Variants in ARHGAP26 observed in about 807,000 individuals in gnomAD.
The protein encoded by ARHGAP26 is rho GTPase-activating protein 26.
Under a neutral mutation model 104.8 loss-of-function variants are expected in ARHGAP26, and 38 were observed. The observed-to-expected ratio is 0.36, with a 90% CI of 0.28 to 0.48. ARHGAP26 has a LOEUF of 0.48. Ranked by LOEUF, ARHGAP26 falls within the 20% of genes least tolerant of loss-of-function variation. ARHGAP26 has a pLI of 0.99. For synonymous variants in ARHGAP26, 341 were observed against 340.0 expected (o/e 1.00, Z -0.03); for missense variants, 704 against 947.9 (o/e 0.74, Z 3.38).
At chr5:143,006,965 C>T (rs114938849) in intron 11 of ARHGAP26, among the ~76,000 whole-genome samples, 1,738 of 152,188 alleles carry the variant, frequency 0.011, 33 homozygotes, top group African/African-American at 0.04. Context: ...CACAGTGGCT[C>T]ATGCCTGTAA....
chr5:142,949,885 TG>T (rs1202806565), intron 11 of ARHGAP26, among the ~76,000 whole-genome samples: 1 of 152,244 alleles, frequency 6.6e-6, no homozygotes, highest in Non-Finnish European at 1.5e-5. Flanking sequence ...TTTATTAATT[TG>T]TCAAAGGGCC....
intron 22 of ARHGAP26, among the ~76,000 whole-genome samples, chr5:143,217,972 C>T (rs546866595): frequency 6.6e-6 from 1 of 152,226 alleles, no homozygotes. Context: ...CTCTGACCTC[C>T]TCTCACCCTC....
intron 11 of ARHGAP26, among the ~76,000 whole-genome samples, chr5:142,995,514 A>G (rs890170185): frequency 1.3e-5 from 2 of 152,250 alleles, no homozygotes; most frequent in South Asian, 2.1e-4. Context: ...AGGAAATAAC[A>G]GATGCCGGAA....
chr5:142,925,118 C>A (rs149801277), intron 10 of ARHGAP26, among the ~76,000 whole-genome samples: 1 of 152,284 alleles, frequency 6.6e-6, no homozygotes, highest in East Asian at 1.9e-4. Flanking sequence ...GCTGATCATG[C>A]CTTCCCGCAT....
intron 22 of ARHGAP26, among the ~76,000 whole-genome samples, chr5:143,215,321 A>G (rs1418579991): frequency 6.6e-6 from 1 of 152,232 alleles, no homozygotes. Context: ...TCATGTTTCT[A>G]ACAACCATTC....
chr5:142,965,371 C>A (rs148194198), intron 11 of ARHGAP26, among the ~76,000 whole-genome samples: 1,809 of 152,270 alleles, frequency 0.012, 27 homozygotes, highest in African/African-American at 0.029. Flanking sequence ...TGCTAAGTAG[C>A]GGGTATTGTT....
intron 17 of ARHGAP26, among the ~76,000 whole-genome samples, chr5:143,097,842 A>T (rs1792633376): frequency 6.6e-6 from 1 of 151,540 alleles, no homozygotes. Context: ...AAAAAAGAAA[A>T]TTACCCCACG....
chr5:143,022,206 G>A (rs922732341), intron 12 of ARHGAP26, among the ~76,000 whole-genome samples: 2 of 152,050 alleles, frequency 1.3e-5, no homozygotes, highest in African/African-American at 4.8e-5. Context: ...CTAGTAGCTG[G>A]GATTACAGGT....
intron 12 of ARHGAP26, among the ~76,000 whole-genome samples, chr5:143,032,212 GC>G (rs1456924573): frequency 6.6e-6 from 1 of 152,200 alleles, no homozygotes; most frequent in East Asian, 1.9e-4. Context: ...TGCAAGCTCT[GC>G]CAGCATTCAT....
intron 12 of ARHGAP26, among the ~76,000 whole-genome samples, chr5:143,017,833 G>A (rs1206155244): frequency 6.6e-6 from 1 of 152,144 alleles, no homozygotes; most frequent in Non-Finnish European, 1.5e-5. Context: ...GGACATCTTT[G>A]TACATATCTT....
intron 11 of ARHGAP26, 151 bp downstream of exon 11, chr5:142,932,276 G>A (rs1598294327): frequency 1.5e-6 from 1 of 677,294 alleles, no homozygotes. Flanking sequence ...GTTTATGTTT[G>A]TGGATATTGA....
chr5:143,090,172 C>T (rs949294546), intron 17 of ARHGAP26, among the ~76,000 whole-genome samples: 2 of 152,200 alleles, frequency 1.3e-5, no homozygotes, highest in South Asian at 2.1e-4. Flanking sequence ...TGCCGGACTT[C>T]GGGATATAGC....
chr5:143,060,400 G>A (rs1264726967), intron 17 of ARHGAP26, among the ~76,000 whole-genome samples: 1 of 152,046 alleles, frequency 6.6e-6, no homozygotes, highest in African/African-American at 2.4e-5. Context: ...GAGATTTAAG[G>A]CATTTTATAT....
chr5:142,870,325 C>G (rs967599938), intron 1 of ARHGAP26, among the ~76,000 whole-genome samples: 18 of 152,290 alleles, frequency 1.2e-4, no homozygotes, highest in African/African-American at 4.1e-4. Context: ...TAAGATACCA[C>G]CAATCTTACT....
chr5:142,770,748 G>C lies in ARHGAP26; in HGVS notation c.-14G>C. The C allele has an allele frequency of 7.3e-7, 1 of 1,373,594 alleles. No individual in the cohort carries two copies. The highest frequency in any genetic ancestry group is 9.5e-7 in the Non-Finnish European group (1 of 1,050,278). The allele number at this position is 1,373,594 out of a possible 1,614,324, so 85.1% of individuals were successfully genotyped here. A position where few individuals can be genotyped will look rare whatever the true frequency, so the allele number is the denominator to read the frequency against. ...CGGCGGAGGCGCGCCCCCCGGCTGG[G>C]CGCCGCGCGCACCATGGGGCTCCCA... On this transcript the variant is annotated 5_prime_UTR_variant, in exon 1 of 23. Coordinates refer to ENST00000645722, the MANE Select transcript of ARHGAP26 (RefSeq NM_001135608.3).
At chr5:143,001,337 A>T (rs1423664388) in intron 11 of ARHGAP26, among the ~76,000 whole-genome samples, 2 of 152,244 alleles carry the variant, frequency 1.3e-5, no homozygotes, top group Non-Finnish European at 2.9e-5. Flanking sequence ...TTTTACATTT[A>T]AAAATGGACA....
rs533701785 is a variant in ARHGAP26 at position 142,933,634 on chromosome 5, A to T, written c.1107+1509A>T. Reference sequence around the variant, plus strand: ...GCCATTTTCCAGCCAGAAAATGAGGATGAAAGCATTTCGAAGGACCCAGAA... The same window carrying T: ...GCCATTTTCCAGCCAGAAAATGAGGTTGAAAGCATTTCGAAGGACCCAGAA... On this transcript the variant is annotated intron_variant, in intron 11 of 22. Transcript: ENST00000645722. Among the ~76,000 whole-genome samples, 50 of 152,200 alleles carry T rather than the reference A, an allele frequency of 3.3e-4. 1 individual carries two copies. The highest frequency in any genetic ancestry group is 1.8e-4 in the Non-Finnish European group (12 of 68,042).
chr5:143,108,972 T>C (rs1418656096), intron 17 of ARHGAP26, among the ~76,000 whole-genome samples: 1 of 152,258 alleles, frequency 6.6e-6, no homozygotes, highest in Non-Finnish European at 1.5e-5. Flanking sequence ...CCCTTAACCT[T>C]TGATTTAGCT....
chr5:143,095,147 A>T (rs921990353), intron 17 of ARHGAP26, among the ~76,000 whole-genome samples: 1 of 150,292 alleles, frequency 6.7e-6, no homozygotes, highest in Non-Finnish European at 1.5e-5. Context: ...TCATATATTC[A>T]TTATATATTA....
Sources: allele counts gnomAD v4.1 joint callset (sites outside exome capture counted in the v4.1 genomes callset), GRCh38; gene constraint gnomAD v4.1.1; transcripts MANE v1.5; gene names NCBI Gene and HGNC (gene_info 2026-07-23, HGNC 2026-07-21).